The following ASIC2 variants were observed in gnomAD, a reference collection of about 807,000 sequenced individuals.
ASIC2 encodes acid-sensing ion channel 2.
In ASIC2, 25 loss-of-function variants were observed where a neutral mutation model predicts 57.3. The ratio of observed to expected loss-of-function variants is 0.44; its 90% CI spans 0.32 to 0.61. The LOEUF (loss-of-function observed/expected upper bound fraction) is 0.61. ASIC2 is among the 20% of genes least tolerant of loss of function. The pLI is 0.06. For synonymous variants in ASIC2, 319 were observed against 307.5 expected, an observed-to-expected ratio of 1.04 and a Z score of -0.39; for missense variants, 641 against 738.1, an observed-to-expected ratio of 0.87 and a Z score of 1.52.
intron 1 of ASIC2, among the ~76,000 whole-genome samples, chr17:33,835,085 C>T (rs573661516): frequency 6.6e-6 from 1 of 152,300 alleles, no homozygotes; most frequent in Non-Finnish European, 1.5e-5. Flanking sequence ...ATGGAACTTT[C>T]ACATTGTGAG....
In ASIC2 at chr17:33,788,665, C is replaced by T. The variant is rs149778011; in HGVS notation, c.555+367313G>A. Among the ~76,000 whole-genome samples, 1,266 of 152,128 alleles carry T rather than the reference C, an allele frequency of 8.3e-3. 21 individuals carry two copies. The highest frequency in any genetic ancestry group is 0.029 in the African/African-American group (1,187 of 41,496). The stretch of plus-strand genomic sequence containing the variant: ...TGGAACCAACCCAAATACCCATCGA[C>T]GATAGATTGGATAAAGACAATGTGG... On this transcript the variant is annotated intron_variant, in intron 1 of 9. Transcript: ENST00000359872.
chr17:33,789,116 A>G lies in ASIC2; in HGVS notation c.555+366862T>C, dbSNP rs538924724. Among the ~76,000 whole-genome samples the G allele has an allele frequency of 1.3e-4, 20 of 152,312 alleles. No individual in the cohort carries two copies. The South Asian group carries it at 2.5e-3, about 19-fold the overall frequency. On this transcript the variant is annotated intron_variant, in intron 1 of 9. Transcript: ENST00000359872. ...ATGCCTGCCCCGTTCAGCTTCTGCC[A>G]TGATTATAACCTTTCTGAGGCCTTC...
intron 1 of ASIC2, among the ~76,000 whole-genome samples, chr17:33,341,260 A>G (rs1907709675): frequency 6.6e-6 from 1 of 152,180 alleles, no homozygotes; most frequent in South Asian, 2.1e-4. Flanking sequence ...CATGTTTAAC[A>G]TGAACGCTTT....
intron 1 of ASIC2, among the ~76,000 whole-genome samples, chr17:33,832,260 G>A (rs1913136971): frequency 6.6e-6 from 1 of 152,228 alleles, no homozygotes; most frequent in Non-Finnish European, 1.5e-5. Context: ...GGTTTTGTGT[G>A]AGAGGAAAGA....
intron 1 of ASIC2, among the ~76,000 whole-genome samples, chr17:33,234,164 T>TTCTTTG (rs1908210866): frequency 6.6e-6 from 1 of 152,198 alleles, no homozygotes; most frequent in Non-Finnish European, 1.5e-5. Flanking sequence ...TCTTTGAAGT[T>TTCTTTG]AGCAGCTTTT....
At chr17:34,065,068 C>T (rs1909121068) in intron 1 of ASIC2, among the ~76,000 whole-genome samples, 1 of 152,164 alleles carries the variant, frequency 6.6e-6, no homozygotes, top group Admixed American at 6.5e-5. Context: ...GAAGAACATA[C>T]TTGCATATGC....
chr17:33,517,045 G>A (rs138940843), intron 1 of ASIC2, among the ~76,000 whole-genome samples: 3 of 152,300 alleles, frequency 2.0e-5, no homozygotes, highest in East Asian at 3.9e-4. Context: ...TCTTCTAGAT[G>A]TTGTTTCTTT....
intron 1 of ASIC2, among the ~76,000 whole-genome samples, chr17:33,728,757 AT>A (rs1406318502): frequency 6.6e-6 from 1 of 152,132 alleles, no homozygotes; most frequent in African/African-American, 2.4e-5. Context: ...GTCAGAGTAG[AT>A]TGAGTTGGGA....
At chr17:33,657,147 A>G (rs560005202) in intron 1 of ASIC2, among the ~76,000 whole-genome samples, 1 of 152,320 alleles carries the variant, frequency 6.6e-6, no homozygotes, top group Admixed American at 6.5e-5. Flanking sequence ...GGCAGGCCCC[A>G]GCCCATTCTC....
upstream of ASIC2, among the ~76,000 whole-genome samples, chr17:33,295,375 T>G (rs983328526): frequency 1.2e-4 from 19 of 152,210 alleles, no homozygotes; most frequent in African/African-American, 4.3e-4. Context: ...TTATGGCACA[T>G]GTATGCAGCA....
chr17:33,185,997 C>G (rs1303355531), intron 1 of ASIC2, among the ~76,000 whole-genome samples: 1 of 152,192 alleles, frequency 6.6e-6, no homozygotes, highest in East Asian at 1.9e-4. Flanking sequence ...TGTAAAGGGA[C>G]AGAGAGTAAA....
chr17:33,647,470 G>A (rs1400235326), intron 1 of ASIC2, among the ~76,000 whole-genome samples: 2 of 152,116 alleles, frequency 1.3e-5, no homozygotes, highest in African/African-American at 4.8e-5. Context: ...ACTCTGCTGG[G>A]CACACTGTAG....
chr17:33,663,043 G>T lies in ASIC2; in HGVS notation c.555+492935C>A, dbSNP rs551053581. 5.3e-5 allele frequency among the ~76,000 whole-genome samples: 8 copies of T among 152,160 alleles called. 1 individual carries two copies. The highest frequency in any genetic ancestry group is 1.2e-4 in the Non-Finnish European group (8 of 68,030). The stretch of plus-strand genomic sequence containing the variant: ...AGGCAACAGGTCTCCACACGCACTC[G>T]CATGCGCCTGCACGCACACACACTG... On this transcript the variant is annotated intron_variant, in intron 1 of 9. Transcript: ENST00000359872.
At chr17:33,673,681 G>A (rs1907712460) in intron 1 of ASIC2, among the ~76,000 whole-genome samples, 2 of 152,238 alleles carry the variant, frequency 1.3e-5, no homozygotes, top group South Asian at 2.1e-4. Flanking sequence ...CACCCACAGC[G>A]ATAGCAAAAC....
rs148722139 is a variant in ASIC2, at chr17:33,323,434, C to T, written c.556-211367G>A. Among the ~76,000 whole-genome samples, 643 of 152,288 alleles carry T rather than the reference C, an allele frequency of 4.2e-3. 4 individuals carry two copies. Among genetic ancestry groups the T allele is most frequent in the African/African-American group, 0.014 (584 of 41,552 alleles). On this transcript the variant is annotated intron_variant, in intron 1 of 9. Coordinates refer to the ASIC2 transcript ENST00000359872. ...TTGAGTGAAAGAAGCCAGACACAGG[C>T]GGGCACGGTGCCTCACGCCTATAAT...
chr17:33,196,056 C>T (rs1906613685), intron 1 of ASIC2, among the ~76,000 whole-genome samples: 1 of 152,164 alleles, frequency 6.6e-6, no homozygotes, highest in African/African-American at 2.4e-5. Flanking sequence ...TTACATATAT[C>T]AAAGGGATTA....
intron 1 of ASIC2, among the ~76,000 whole-genome samples, chr17:33,545,543 A>G (rs1348588761): frequency 1.3e-5 from 2 of 152,116 alleles, no homozygotes; most frequent in African/African-American, 4.8e-5. Flanking sequence ...CATCTGCTTC[A>G]TTTTTGGCCA....
intron 1 of ASIC2, among the ~76,000 whole-genome samples, chr17:33,612,952 G>T (rs1213992166): frequency 6.6e-6 from 1 of 152,170 alleles, no homozygotes; most frequent in Non-Finnish European, 1.5e-5. Flanking sequence ...TGATTCACAG[G>T]CTATAAGAGT....
intron 3 of ASIC2, among the ~76,000 whole-genome samples, chr17:33,085,799 G>T (rs949111317): frequency 6.6e-6 from 1 of 152,066 alleles, no homozygotes; most frequent in Non-Finnish European, 1.5e-5. Context: ...TTATATACAT[G>T]TAAATATAAT....
Sources: gnomAD v4.1 joint callset for allele counts (sites outside exome capture counted in the v4.1 genomes callset) on GRCh38, gnomAD v4.1.1 for gene constraint, MANE v1.5 for transcripts, NCBI Gene and HGNC (gene_info 2026-07-23, HGNC 2026-07-21) for gene names.